Variants in LRRTM3 observed in about 807,000 individuals in gnomAD.
The protein encoded by LRRTM3 is leucine rich repeat transmembrane neuronal 3.
LRRTM3 carries 24 observed loss-of-function variants against 44.7 expected under a neutral mutation model. That is an observed-to-expected ratio of 0.54 (90% CI 0.39 to 0.76). The LOEUF (loss-of-function observed/expected upper bound fraction) is 0.76. Among genes scored for constraint, LRRTM3 ranks in the 30% least tolerant of loss-of-function variants. The pLI is 0.00. For missense variants in LRRTM3, 587 were observed against 702.2 expected (o/e 0.84, Z 1.85); for synonymous variants, 277 against 278.7 (o/e 0.99, Z 0.06).
intron 2 of LRRTM3, among the ~76,000 whole-genome samples, chr10:66,987,344 G>A (rs1850787350): frequency 6.6e-6 from 1 of 152,152 alleles, no homozygotes; most frequent in African/African-American, 2.4e-5. Flanking sequence ...ATGAGAGATG[G>A]AAGAAGTGAT....
intron 2 of LRRTM3, among the ~76,000 whole-genome samples, chr10:66,978,526 CAAAAAAAA>C (rs1170594360): frequency 2.4e-5 from 1 of 42,320 alleles, no homozygotes; most frequent in Non-Finnish European, 3.9e-5. Flanking sequence ...GACTCCATCT[CAAAAAAAA>C]AAAAAAAAAA....
intron 2 of LRRTM3, among the ~76,000 whole-genome samples, chr10:67,055,391 T>A (rs557585797): frequency 5.3e-4 from 81 of 152,082 alleles, no homozygotes; most frequent in African/African-American, 1.9e-3. Flanking sequence ...CAGAAAGCAG[T>A]CATGGACAGA....
intron 2 of LRRTM3, among the ~76,000 whole-genome samples, chr10:66,929,190 C>T: frequency 6.6e-6 from 1 of 152,182 alleles, no homozygotes; most frequent in Admixed American, 6.5e-5. Flanking sequence ...TAAAATCAGA[C>T]TAGAGGTTTC....
chr10:66,995,619 A>AT (rs1301483078), intron 2 of LRRTM3, among the ~76,000 whole-genome samples: 1 of 152,128 alleles, frequency 6.6e-6, no homozygotes, highest in Admixed American at 6.6e-5. Flanking sequence ...ACATCTCTAT[A>AT]TTTTTTTATT....
At chr10:67,010,982 T>C (rs1852289966) in intron 2 of LRRTM3, among the ~76,000 whole-genome samples, 1 of 152,180 alleles carries the variant, frequency 6.6e-6, no homozygotes, top group African/African-American at 2.4e-5. Context: ...GAATCTACAA[T>C]ATAAATCTAT....
chr10:66,978,716 A>G (rs922910440), intron 2 of LRRTM3, among the ~76,000 whole-genome samples: 1 of 150,060 alleles, frequency 6.7e-6, no homozygotes, highest in Non-Finnish European at 1.5e-5. Context: ...CCAGTGAATA[A>G]ATACATTTAC....
chr10:66,955,386 C>T (rs1298284964), intron 2 of LRRTM3, among the ~76,000 whole-genome samples: 1 of 152,150 alleles, frequency 6.6e-6, no homozygotes, highest in East Asian at 1.9e-4. Context: ...TGTATAATAT[C>T]TTATTCTCAC....
intron 2 of LRRTM3, among the ~76,000 whole-genome samples, chr10:66,972,930 G>C (rs11817816): frequency 1.3e-5 from 2 of 151,736 alleles, no homozygotes; most frequent in Non-Finnish European, 2.9e-5. Flanking sequence ...AAGTTTCATA[G>C]ATTAAAAAGT....
chr10:66,947,407 A>G (rs527601647), intron 2 of LRRTM3, among the ~76,000 whole-genome samples: 1 of 152,142 alleles, frequency 6.6e-6, no homozygotes, highest in South Asian at 2.1e-4. Flanking sequence ...ATCACAAGGT[A>G]TTTTCTTTAT....
At chr10:66,986,412 G>A (rs552612757) in intron 2 of LRRTM3, among the ~76,000 whole-genome samples, 5 of 152,182 alleles carry the variant, frequency 3.3e-5, no homozygotes, top group Non-Finnish European at 4.4e-5. Flanking sequence ...CAGGAGAATC[G>A]CTTGAACCCA....
chr10:66,960,486 G>A (rs1219164696), intron 2 of LRRTM3, among the ~76,000 whole-genome samples: 1 of 151,114 alleles, frequency 6.6e-6, no homozygotes, highest in Non-Finnish European at 1.5e-5. Flanking sequence ...AAGTTTTAGA[G>A]TAGAGAACTA....
At chr10:67,082,455 T>G (rs1857100355) in intron 2 of LRRTM3, among the ~76,000 whole-genome samples, 1 of 152,116 alleles carries the variant, frequency 6.6e-6, no homozygotes, top group South Asian at 2.1e-4. Context: ...TTTAAAACCC[T>G]AAACCCCCAA....
At chr10:67,096,310 C>A (rs1857989429) in intron 2 of LRRTM3, among the ~76,000 whole-genome samples, 2 of 151,654 alleles carry the variant, frequency 1.3e-5, no homozygotes, top group Admixed American at 1.3e-4. Context: ...GGGATGGAAA[C>A]AGAAGTGGCA....
intron 2 of LRRTM3, among the ~76,000 whole-genome samples, chr10:66,934,836 T>C (rs1342935572): frequency 6.6e-6 from 1 of 152,138 alleles, no homozygotes; most frequent in East Asian, 1.9e-4. Flanking sequence ...TTTCATCACA[T>C]CAATTACATC....
At chr10:66,942,612 G>A (rs1460035957) in intron 2 of LRRTM3, among the ~76,000 whole-genome samples, 1 of 151,670 alleles carries the variant, frequency 6.6e-6, no homozygotes, top group Non-Finnish European at 1.5e-5. Context: ...GTCTGCGTGT[G>A]TGTGCATGTG....
At chr10:67,042,608 G>C (rs1854472070) in intron 2 of LRRTM3, among the ~76,000 whole-genome samples, 2 of 151,980 alleles carry the variant, frequency 1.3e-5, no homozygotes. Context: ...CAGAAGCTAG[G>C]AGGAGAAAGG....
At chr10:66,979,250 G>A (rs10997467) in intron 2 of LRRTM3, among the ~76,000 whole-genome samples, 33,830 of 151,980 alleles carry the variant, frequency 0.22, 4,240 homozygotes, top group Middle Eastern at 0.29. Context: ...TTACAGGCAT[G>A]AGCCACCATG....
chr10:67,067,831 A>G (rs1856186679), intron 2 of LRRTM3, among the ~76,000 whole-genome samples: 1 of 152,230 alleles, frequency 6.6e-6, no homozygotes, highest in African/African-American at 2.4e-5. Flanking sequence ...ACATACTCTC[A>G]GTCTCATGAA....
intron 2 of LRRTM3, among the ~76,000 whole-genome samples, chr10:66,951,480 A>G (rs528753315): frequency 6.6e-6 from 1 of 152,272 alleles, no homozygotes; most frequent in Non-Finnish European, 1.5e-5. Flanking sequence ...CCCCTAACGT[A>G]TTTAATTCTT....
Sources: allele counts gnomAD v4.1 joint callset (sites outside exome capture counted in the v4.1 genomes callset), GRCh38; gene constraint gnomAD v4.1.1; transcripts MANE v1.5; gene names NCBI Gene and HGNC (gene_info 2026-07-23, HGNC 2026-07-21).